USP10: variants seen among roughly 807,000 people sequenced by gnomAD.
USP10 encodes ubiquitin carboxyl-terminal hydrolase 10.
In USP10, 22 loss-of-function variants were observed where a neutral mutation model predicts 84.5. That is an observed-to-expected ratio of 0.26 (90% CI 0.19 to 0.37). The LOEUF is 0.37. Among genes scored for constraint, USP10 ranks in the 10% least tolerant of loss-of-function variants. The probability of loss-of-function intolerance (pLI) is 1.00; values close to 1 mark genes in which losing one functional copy is unlikely to be tolerated. For synonymous variants in USP10, 454 were observed against 387.6 expected (o/e 1.17, Z -2.01); for missense variants, 1,019 against 998.9 (o/e 1.02, Z -0.27).
intron 11 of USP10, among the ~76,000 whole-genome samples, chr16:84,770,486 C>T (rs1220882328): frequency 6.6e-6 from 1 of 152,108 alleles, no homozygotes; most frequent in Non-Finnish European, 1.5e-5. Flanking sequence ...AATTAAGCCT[C>T]AGTTGGCTGG....
intron 4 of USP10, among the ~76,000 whole-genome samples, chr16:84,748,178 GA>G (rs1200757913): frequency 1.7e-4 from 21 of 122,528 alleles, no homozygotes; most frequent in South Asian, 8.0e-4. Context: ...AAAAAAAAAA[GA>G]TAGATTGTGT....
At chr16:84,774,695 C>A (rs932708451) in intron 12 of USP10, among the ~76,000 whole-genome samples, 7 of 152,262 alleles carry the variant, frequency 4.6e-5, no homozygotes, top group African/African-American at 1.7e-4. Flanking sequence ...TGGTCTCGAT[C>A]TCCTGACCTC....
intron 8 of USP10, among the ~76,000 whole-genome samples, chr16:84,762,468 G>A (rs1405844570): frequency 6.6e-6 from 1 of 152,130 alleles, no homozygotes; most frequent in East Asian, 1.9e-4. Context: ...AGGCAGGCAG[G>A]TCACCTGAGG....
At chr16:84,724,811 T>C (rs1212970799) in intron 1 of USP10, among the ~76,000 whole-genome samples, 4 of 152,170 alleles carry the variant, frequency 2.6e-5, no homozygotes, top group Admixed American at 1.3e-4. Context: ...TATTGTTAAA[T>C]TGGCGAACTT....
intron 1 of USP10, among the ~76,000 whole-genome samples, chr16:84,710,903 G>A (rs1195117700): frequency 1.3e-5 from 2 of 152,126 alleles, no homozygotes; most frequent in Non-Finnish European, 2.9e-5. Context: ...TTAACTTGTT[G>A]AGCCCTTTCG....
chr16:84,702,038 T>G (rs1904939345), intron 1 of USP10, among the ~76,000 whole-genome samples: 4 of 130,624 alleles, frequency 3.1e-5, no homozygotes, highest in South Asian at 5.0e-4. Context: ...TGAGATGGAG[T>G]TTCGCTCTTT....
chr16:84,774,605 A>T (rs959659120), intron 12 of USP10, among the ~76,000 whole-genome samples: 2 of 151,872 alleles, frequency 1.3e-5, no homozygotes, highest in Admixed American at 1.3e-4. Flanking sequence ...CGAGTAGCTG[A>T]GACTACAGCC....
intron 1 of USP10, among the ~76,000 whole-genome samples, chr16:84,709,799 G>T (rs566626555): frequency 1.3e-5 from 2 of 152,154 alleles, no homozygotes; most frequent in Non-Finnish European, 2.9e-5. Context: ...AGGGCATGTG[G>T]AGGAGACTGT....
rs1446073339 is a variant in USP10, at chr16:84,772,547, A to G, written c.2005A>G (p.Ile669Val). 1.9e-6 allele frequency: 3 copies of G among 1,613,604 alleles called. No individual in the cohort carries two copies. The highest frequency in any genetic ancestry group is 1.7e-6 in the Non-Finnish European group (2 of 1,179,794). Residue 669 changes from isoleucine (I) to valine (V), a missense_variant, in exon 12 of 14, where the codon ATA becomes GTA. Physicochemically the swap from Ile to Val is conservative, Grantham distance 29. Coordinates refer to ENST00000219473, the MANE Select transcript of USP10 (RefSeq NM_005153.3). Reference protein sequence around the residue: ...YTTKTKQEVEISRRVTLEKLP... With the variant: ...YTTKTKQEVEVSRRVTLEKLP... ...GGTGTGCTTTGTGTCTTAGGTTGAG[A>G]TAAGTCGAAGAGTGACTCTGGAAAA...
chr16:84,776,193 T>G (rs907477693), intron 13 of USP10, among the ~76,000 whole-genome samples: 1 of 152,230 alleles, frequency 6.6e-6, no homozygotes, highest in African/African-American at 2.4e-5. Context: ...CACTCTGGCC[T>G]GCAGTGGCAG....
intron 1 of USP10, among the ~76,000 whole-genome samples, chr16:84,701,558 A>G (rs1904861541): frequency 1.3e-5 from 2 of 152,262 alleles, no homozygotes; most frequent in Non-Finnish European, 2.9e-5. Flanking sequence ...TGAACAAGTA[A>G]AAGGCTCATT....
intron 1 of USP10, among the ~76,000 whole-genome samples, chr16:84,714,403 C>T (rs1461595023): frequency 6.6e-6 from 1 of 152,216 alleles, no homozygotes; most frequent in East Asian, 1.9e-4. Context: ...CCTGCACCAT[C>T]TAACTCCTAG....
At chr16:84,713,118 G>A (rs1906525984) in intron 1 of USP10, among the ~76,000 whole-genome samples, 1 of 152,162 alleles carries the variant, frequency 6.6e-6, no homozygotes, top group African/African-American at 2.4e-5. Context: ...CTTTTCGGTT[G>A]GTTTGCCACA....
chr16:84,762,302 C>A (rs1913297808), intron 8 of USP10, among the ~76,000 whole-genome samples: 1 of 152,232 alleles, frequency 6.6e-6, no homozygotes. Flanking sequence ...GTGACCCTTG[C>A]AGTTGAACAG....
At chr16:84,750,385 CCA>C (rs1401414317) in intron 4 of USP10, among the ~76,000 whole-genome samples, 2 of 143,196 alleles carry the variant, frequency 1.4e-5, no homozygotes, top group South Asian at 2.2e-4. Flanking sequence ...CCAGCCTGGG[CCA>C]CAGAGTGAGA....
chr16:84,748,753 T>C (rs1232778510), intron 4 of USP10, among the ~76,000 whole-genome samples: 1 of 152,194 alleles, frequency 6.6e-6, no homozygotes, highest in Non-Finnish European at 1.5e-5. Flanking sequence ...ACTTTAAATA[T>C]AGTTTGATAA....
chr16:84,770,894 CATCTCTACTA>C (rs1914378817), intron 11 of USP10, among the ~76,000 whole-genome samples: 1 of 151,722 alleles, frequency 6.6e-6, no homozygotes, highest in Admixed American at 6.6e-5. Flanking sequence ...GTTGAAACCC[CATCTCTACTA>C]AAAATACAAA....
At position 84,764,196 on chromosome 16, in the gene USP10, A is replaced by T; in HGVS notation, c.1765A>T (p.Thr589Ser). ...GGAACAAGTGGGCCCCCGGAACAAG[A>T]CTTCCGTCACCCGCCAGGCGGATTT... Reference protein sequence around the residue: ...EWEQVGPRNKTSVTRQADFVQ... With the variant: ...EWEQVGPRNKSSVTRQADFVQ... Residue 589 changes from threonine to serine, a missense_variant, in exon 10 of 14, where the codon ACT (threonine) becomes TCT (serine). Around this residue, in one of 2 missense-constraint regions of USP10, gnomAD observed 232 missense variants for 290.1 expected, o/e 0.80. Transcript: ENST00000219473. 1 of 1,613,992 alleles carries T rather than the reference A, an allele frequency of 6.2e-7. No homozygotes were observed. Among genetic ancestry groups the T allele is most frequent in the South Asian group, 1.1e-5 (1 of 91,078 alleles).
At chr16:84,703,986 T>A (rs992661824) in intron 1 of USP10, among the ~76,000 whole-genome samples, 9 of 152,208 alleles carry the variant, frequency 5.9e-5, no homozygotes, top group African/African-American at 2.2e-4. Context: ...TAAGCAGTGA[T>A]TCACATAGGA....
Sources: allele counts gnomAD v4.1 joint callset (sites outside exome capture counted in the v4.1 genomes callset), GRCh38; gene constraint gnomAD v4.1.1; regional missense constraint gnomAD v4.1.1; transcripts MANE v1.5; gene names NCBI Gene and HGNC (gene_info 2026-07-23, HGNC 2026-07-21).